ALS2: variants seen among roughly 807,000 people sequenced by gnomAD.
ALS2 encodes alsin.
ALS2 carries 117 observed loss-of-function variants against 203.4 expected under a neutral mutation model. That is an observed-to-expected ratio of 0.58 (90% CI 0.50 to 0.67). ALS2 has a LOEUF of 0.67. Among genes scored for constraint, ALS2 ranks in the 30% least tolerant of loss-of-function variants. The pLI is 0.00. For synonymous variants in ALS2, 718 were observed against 725.9 expected (o/e 0.99, Z 0.17); for missense variants, 1,715 against 1,989.4 (o/e 0.86, Z 2.62).
intron 3 of ALS2, among the ~76,000 whole-genome samples, chr2:201,766,209 A>G (rs1018951692): frequency 3.3e-5 from 5 of 152,218 alleles, no homozygotes; most frequent in Non-Finnish European, 7.3e-5. Flanking sequence ...TTAAAAAGTT[A>G]ATTTTTCATG....
Position 201,761,787 on chromosome 2 carries a change from G to C in ALS2, c.207C>G (p.Pro69=), listed in dbSNP as rs1441845977. The stretch of plus-strand genomic sequence containing the variant: ...AAATCTCCACTGGTCCACTTCTCCA[G>C]GGAAGAGTCCCAAAGCTGTAGACCT... ...DGEVYSFGTL[P]WRSGPVEICP... The change falls in exon 4 of 34, where the codon CCC becomes CCG. Residue 69 remains proline (P), a synonymous_variant. Coordinates refer to ENST00000264276, the MANE Select transcript of ALS2 (RefSeq NM_020919.4). 2.5e-6 allele frequency: 4 copies of C among 1,613,262 alleles called. No individual in the cohort carries two copies. Among genetic ancestry groups the C allele is most frequent in the Middle Eastern group, 3.3e-4 (2 of 6,062 alleles).
intron 12 of ALS2, among the ~76,000 whole-genome samples, chr2:201,736,680 C>A (rs376325319): frequency 9.2e-5 from 14 of 151,928 alleles, no homozygotes; most frequent in African/African-American, 3.4e-4. Context: ...AAGGGGTAAA[C>A]TGCCGACAAG....
chr2:201,750,853 T>G (rs1463939909), intron 7 of ALS2, among the ~76,000 whole-genome samples: 1 of 130,614 alleles, frequency 7.7e-6, no homozygotes. Flanking sequence ...TTCCAATTCC[T>G]TTTTTTTTTT....
At position 201,767,705 on chromosome 2, in the gene ALS2, C is replaced by CAAAA. The variant is rs57200737; in HGVS notation, c.21-326_21-323dup. Among the ~76,000 whole-genome samples the CAAAA allele has an allele frequency of 1.1e-4, 15 of 140,536 alleles. No individual in the cohort carries two copies. In the East Asian group the frequency reaches 2.9e-3, roughly 27 times the overall value. The allele number at this position is 140,536 out of a possible 152,430, so 92.2% of individuals were successfully genotyped here. ...TGAAACCCTGTTTCTACTAAAAATA[C>CAAAA]AAAAAAAAAAAAATCAGCCGGGCAT... On this transcript the variant is annotated intron_variant, in intron 2 of 33. Transcript: ENST00000264276.
intron 3 of ALS2, 101 bp downstream of exon 3, chr2:201,767,128 A>G: frequency 1.4e-6 from 2 of 1,385,308 alleles, no homozygotes; most frequent in Non-Finnish European, 2.0e-6. Context: ...AAGAAAAAGA[A>G]AAAGAACCCC....
chr2:201,718,362 T>A, intron 23 of ALS2, 152 bp from the exon 24 acceptor site: 1 of 846,790 alleles, frequency 1.2e-6, no homozygotes, highest in Non-Finnish European at 1.9e-6. Flanking sequence ...TGGGTTAAAG[T>A]GATCCTCCTG....
intron 10 of ALS2, 60 bp downstream of exon 10, chr2:201,744,198 T>A: frequency 6.5e-7 from 1 of 1,530,546 alleles, no homozygotes; most frequent in Non-Finnish European, 9.1e-7. Context: ...ATTTGTGACA[T>A]AGGAAGAAGA....
At chr2:201,727,343 A>T in intron 16 of ALS2, 65 bp from the exon 17 acceptor site, 1 of 1,317,404 alleles carries the variant, frequency 7.6e-7, no homozygotes, top group South Asian at 1.2e-5. Context: ...ATCGATCCTC[A>T]AATATGAAAA....
intron 2 of ALS2, 119 bp from the exon 3 acceptor site, chr2:201,767,502 G>C: frequency 1.8e-6 from 2 of 1,089,318 alleles, no homozygotes; most frequent in South Asian, 1.4e-5. Context: ...TCAGATAGCT[G>C]AATTAGCACC....
intron 8 of ALS2, among the ~76,000 whole-genome samples, chr2:201,749,367 T>C (rs1352127673): frequency 1.3e-5 from 2 of 152,112 alleles, no homozygotes; most frequent in Non-Finnish European, 2.9e-5. Context: ...AGTCAAACAA[T>C]GGAGAATTCA....
intron 9 of ALS2, among the ~76,000 whole-genome samples, chr2:201,746,164 G>A (rs1692630397): frequency 6.6e-6 from 1 of 152,078 alleles, no homozygotes. Context: ...AAACTTCATA[G>A]TAAAATGTAC....
At position 201,744,169 on chromosome 2, in the gene ALS2, A is replaced by G. The variant is rs1692475320; in HGVS notation, c.2170+89T>C. On this transcript the variant is annotated intron_variant, in intron 10 of 33. Coordinates refer to ENST00000264276, the MANE Select transcript of ALS2 (RefSeq NM_020919.4). ...CAGTGCATAGCAAGAAGTAAACCATAAACTAACAGGTTTTCATTATTTGTG... is the reference window on the plus strand; with the variant it reads ...CAGTGCATAGCAAGAAGTAAACCATGAACTAACAGGTTTTCATTATTTGTG... 53 of 1,413,144 alleles carry G rather than the reference A, an allele frequency of 3.8e-5. 1 individual carries two copies. The South Asian group carries it at 6.1e-4, about 16-fold the overall frequency. 87.5% of individuals were successfully genotyped at this position (1,413,144 alleles called of 1,614,324 possible). A position where few individuals can be genotyped will look rare whatever the true frequency, so the allele number is the denominator to read the frequency against.
chr2:201,712,409 GAACA>G (rs1283707098), intron 25 of ALS2, among the ~76,000 whole-genome samples: 2 of 152,140 alleles, frequency 1.3e-5, no homozygotes, highest in Admixed American at 1.3e-4. Flanking sequence ...TAATTATTCA[GAACA>G]AACATTTACA....
chr2:201,751,487 C>G (rs572537364), intron 7 of ALS2, among the ~76,000 whole-genome samples: 1 of 152,230 alleles, frequency 6.6e-6, no homozygotes, highest in East Asian at 1.9e-4. Flanking sequence ...ATTTCTACTT[C>G]TTTTATGACG....
At chr2:201,754,356 C>T in intron 6 of ALS2, 147 bp downstream of exon 6, 1 of 1,078,400 alleles carries the variant, frequency 9.3e-7, no homozygotes, top group Non-Finnish European at 1.4e-6. Context: ...AAAGTGACAG[C>T]TTTTTATCAG....
intron 25 of ALS2, among the ~76,000 whole-genome samples, chr2:201,714,455 G>C (rs1459049442): frequency 6.6e-6 from 1 of 152,222 alleles, no homozygotes; most frequent in South Asian, 2.1e-4. Flanking sequence ...CCAGAAAGGA[G>C]AGATCATGGA....
rs763455928 is a variant in ALS2, at chr2:201,753,165, G to A, written c.1718C>T (p.Ala573Val). Residue 573 changes from alanine to valine, a missense_variant, in exon 7 of 34, where the codon GCA becomes GTA. Physicochemically the swap from Ala to Val is moderately conservative, Grantham distance 64. This residue lies in a region of ALS2 where 1,227 missense variants were observed against 1,413.5 expected (regional missense o/e 0.87). Coordinates refer to ENST00000264276, the MANE Select transcript of ALS2 (RefSeq NM_020919.4). ...TCCTACCTGGGATTTCGCAGTAAGT[G>A]CAAGAGAATGGTAACCACCTGCCTC... ...HLEAGGYHSL[A>V]LTAKSQVYSW... 6.2e-7 allele frequency: 1 copy of A among 1,614,058 alleles called. No homozygotes were observed. The highest frequency in any genetic ancestry group is 1.1e-5 in the South Asian group (1 of 91,086).
chr2:201,726,577 A>T (rs751211459), intron 18 of ALS2, 28 bp from the exon 19 acceptor site: 4 of 1,609,696 alleles, frequency 2.5e-6, no homozygotes, highest in Non-Finnish European at 2.6e-6. Context: ...AGAATAATGC[A>T]TGTCAACTAA....
chr2:201,744,177 A>G, intron 10 of ALS2, 81 bp downstream of exon 10: 1 of 1,442,352 alleles, frequency 6.9e-7, no homozygotes, highest in East Asian at 2.3e-5. Context: ...ATAAACTAAC[A>G]GGTTTTCATT....
Sources: allele counts gnomAD v4.1 joint callset (sites outside exome capture counted in the v4.1 genomes callset), GRCh38; gene constraint gnomAD v4.1.1; regional missense constraint gnomAD v4.1.1; transcripts MANE v1.5; gene names NCBI Gene and HGNC (gene_info 2026-07-23, HGNC 2026-07-21).